MTA3: variants seen among roughly 807,000 people sequenced by gnomAD.
The protein encoded by MTA3 is metastasis associated 1 family member 3.
In MTA3, 34 loss-of-function variants were observed where a neutral mutation model predicts 83.5. The ratio of observed to expected loss-of-function variants is 0.41; its 90% CI spans 0.31 to 0.54. The LOEUF (loss-of-function observed/expected upper bound fraction) is 0.54, where lower values mean the gene tolerates loss of function less well. Ranked by LOEUF, MTA3 falls within the 20% of genes least tolerant of loss-of-function variation. MTA3 has a pLI of 0.33. For synonymous variants in MTA3, 303 were observed against 252.7 expected, an observed-to-expected ratio of 1.20 and a Z score of -1.89; for missense variants, 761 against 726.4, an observed-to-expected ratio of 1.05 and a Z score of -0.55.
rs74340961 is a variant in MTA3 at position 42,571,454 on chromosome 2, T to C, written c.96+950T>C. ...TATGCACGATTCTGAATTCCGAATATTCTTTTGCTTTTTTGTTACTGAATA... is the reference window on the plus strand; with the variant it reads ...TATGCACGATTCTGAATTCCGAATACTCTTTTGCTTTTTTGTTACTGAATA... On this transcript the variant is annotated intron_variant, in intron 2 of 16. Transcript: ENST00000405094. Among the ~76,000 whole-genome samples, 1,300 of 152,000 alleles carry C rather than the reference T, an allele frequency of 8.6e-3. 26 individuals are homozygous for C. The highest frequency in any genetic ancestry group is 0.03 in the African/African-American group (1,233 of 41,406).
At chr2:42,598,248 G>A (rs1306907295) in intron 3 of MTA3, among the ~76,000 whole-genome samples, 1 of 151,738 alleles carries the variant, frequency 6.6e-6, no homozygotes, top group Non-Finnish European at 1.5e-5. Flanking sequence ...TGTATTTTTA[G>A]TAGAGATGGG....
chr2:42,653,960 TTC>T (rs1688938060), intron 6 of MTA3, among the ~76,000 whole-genome samples: 4 of 152,372 alleles, frequency 2.6e-5, no homozygotes, highest in Admixed American at 2.6e-4. Flanking sequence ...AATTGTGTCA[TTC>T]TCCATTCTCA....
At chr2:42,743,430 C>G (rs1232150196) in intron 16 of MTA3, among the ~76,000 whole-genome samples, 1 of 152,172 alleles carries the variant, frequency 6.6e-6, no homozygotes, top group African/African-American at 2.4e-5. Context: ...CTCAGCATGT[C>G]AGCAACAGGC....
chr2:42,692,556 C>A (rs1692999813), intron 9 of MTA3, among the ~76,000 whole-genome samples: 2 of 151,974 alleles, frequency 1.3e-5, no homozygotes, highest in Non-Finnish European at 2.9e-5. Context: ...TCCCAAGTAG[C>A]TGCAATTACA....
chr2:42,538,365 C>A (rs1245985316), intron 2 of MTA3, among the ~76,000 whole-genome samples: 1 of 152,028 alleles, frequency 6.6e-6, no homozygotes, highest in African/African-American at 2.4e-5. Flanking sequence ...GTTCTTGTAA[C>A]TTTTCTGTAG....
At chr2:42,661,761 A>T (rs750416928) in intron 8 of MTA3, among the ~76,000 whole-genome samples, 6 of 152,202 alleles carry the variant, frequency 3.9e-5, no homozygotes, top group African/African-American at 4.8e-5. Flanking sequence ...ACATAATAAT[A>T]GCAAATTACA....
chr2:42,625,881 A>G (rs958413544), intron 4 of MTA3, among the ~76,000 whole-genome samples: 4 of 148,252 alleles, frequency 2.7e-5, no homozygotes, highest in East Asian at 2.0e-4. Flanking sequence ...TTGATTTTTT[A>G]TATTTATCTT....
intron 2 of MTA3, among the ~76,000 whole-genome samples, chr2:42,558,040 C>T (rs1036766778): frequency 5.9e-5 from 9 of 152,060 alleles, no homozygotes; most frequent in East Asian, 3.9e-4. Context: ...TTTGCCAAAT[C>T]CAGTGTTGAT....
intron 2 of MTA3, among the ~76,000 whole-genome samples, chr2:42,504,470 A>G (rs1254819664): frequency 6.6e-6 from 1 of 151,916 alleles, no homozygotes; most frequent in Non-Finnish European, 1.5e-5. Context: ...CAAACTCCTG[A>G]CCTCAGGTGA....
At chr2:42,496,824 G>C (rs911984494) in intron 2 of MTA3, among the ~76,000 whole-genome samples, 3 of 152,104 alleles carry the variant, frequency 2.0e-5, no homozygotes, top group Non-Finnish European at 4.4e-5. Flanking sequence ...TTGCACTCCA[G>C]TTCTTTCCTA....
At position 42,755,129 on chromosome 2, in the gene MTA3, G is replaced by C. The variant is rs998439935; in HGVS notation, c.*1730G>C. On this transcript the variant is annotated 3_prime_UTR_variant, in exon 17 of 17. Coordinates refer to ENST00000405094, the MANE Select transcript of MTA3 (RefSeq NM_001330442.2). The stretch of plus-strand genomic sequence containing the variant: ...TCCCTTCAGCAAAGACCTGGGAGGA[G>C]GTGCCGCATCACGTGGATGTTTCTT... 1.0e-6 allele frequency: 1 copy of C among 985,364 alleles called. No homozygotes were observed. Among genetic ancestry groups the C allele is most frequent in the East Asian group, 1.1e-4 (1 of 8,818 alleles). The allele number at this position is 985,364 out of a possible 1,614,324, so 61.0% of individuals were successfully genotyped here.
Position 42,708,965 on chromosome 2 carries a change from G to T in MTA3, c.1394G>T (p.Arg465Leu), listed in dbSNP as rs201225862. 1 of 1,613,952 alleles carries T rather than the reference G, an allele frequency of 6.2e-7. No individual in the cohort carries two copies. Among genetic ancestry groups the T allele is most frequent in the Non-Finnish European group, 8.5e-7 (1 of 1,179,888 alleles). The change falls in exon 14 of 17, where the codon CGC (arginine) becomes CTC (leucine). Residue 465 changes from arginine (R) to leucine (L), a missense_variant. By Grantham distance (102) the Arg-to-Leu change is moderately radical (BLOSUM62 -2). Coordinates refer to ENST00000405094, the MANE Select transcript of MTA3 (RefSeq NM_001330442.2). ...TGSPKSAVKT[R>L]QAFFLHTTYF... ...AGTCCAAAGTCTGCAGTGAAGACCCGCCAAGCTTTCTTCCTTCATACTACA... is the reference window on the plus strand; with the variant it reads ...AGTCCAAAGTCTGCAGTGAAGACCCTCCAAGCTTTCTTCCTTCATACTACA...
intron 16 of MTA3, among the ~76,000 whole-genome samples, chr2:42,752,849 G>A (rs555472075): frequency 6.6e-6 from 1 of 151,700 alleles, no homozygotes; most frequent in South Asian, 2.1e-4. Context: ...AGATCTTTCC[G>A]TCCTTCAGTA....
At position 42,568,723 on chromosome 2, in the gene MTA3, G is replaced by A. The variant is rs1422466431; in HGVS notation, c.-23G>A. 4 of 1,213,212 alleles carry A rather than the reference G, an allele frequency of 3.3e-6. No individual in the cohort carries two copies. The highest frequency in any genetic ancestry group is 4.1e-6 in the Non-Finnish European group (4 of 977,138). 75.2% of individuals were successfully genotyped at this position (1,213,212 alleles called of 1,614,324 possible). On this transcript the variant is annotated 5_prime_UTR_variant, in exon 1 of 17. Transcript: ENST00000405094. ...CGGCGGCGGGCGGGGCTCGGCTCGGGCTCCGCGGGCGGGCGGGCGGACATG... is the reference window on the plus strand; with the variant it reads ...CGGCGGCGGGCGGGGCTCGGCTCGGACTCCGCGGGCGGGCGGGCGGACATG...
intron 9 of MTA3, among the ~76,000 whole-genome samples, chr2:42,684,405 G>T (rs1391860737): frequency 6.6e-6 from 1 of 152,166 alleles, no homozygotes; most frequent in Non-Finnish European, 1.5e-5. Flanking sequence ...AATTAAAACT[G>T]TTAGTGTCAC....
intron 2 of MTA3, among the ~76,000 whole-genome samples, chr2:42,541,091 G>A (rs949005567): frequency 1.3e-5 from 2 of 151,338 alleles, no homozygotes; most frequent in African/African-American, 2.4e-5. Flanking sequence ...GAGTGCAGTG[G>A]TGCAATCTCA....
intron 2 of MTA3, among the ~76,000 whole-genome samples, chr2:42,519,465 G>A (rs948249424): frequency 2.2e-4 from 34 of 151,908 alleles, no homozygotes; most frequent in Non-Finnish European, 4.9e-4. Flanking sequence ...AAGTAGCCGG[G>A]TGTGATGGCA....
chr2:42,580,476 A>C (rs1306350998), intron 3 of MTA3, among the ~76,000 whole-genome samples: 3 of 151,826 alleles, frequency 2.0e-5, no homozygotes, highest in African/African-American at 7.3e-5. Context: ...GGTTCAGGCG[A>C]CTCTCCTGCC....
chr2:42,747,006 G>A (rs957723574), intron 16 of MTA3, among the ~76,000 whole-genome samples: 1 of 144,564 alleles, frequency 6.9e-6, no homozygotes, highest in Non-Finnish European at 1.5e-5. Flanking sequence ...TTCTAATTTT[G>A]TTTTTTTTTT....
Sources: gnomAD v4.1 joint callset for allele counts (sites outside exome capture counted in the v4.1 genomes callset) on GRCh38, gnomAD v4.1.1 for gene constraint, MANE v1.5 for transcripts, NCBI Gene and HGNC (gene_info 2026-07-23, HGNC 2026-07-21) for gene names.